The following KCNAB1 variants were observed in gnomAD, a reference collection of about 807,000 sequenced individuals.
The protein encoded by KCNAB1 is voltage-gated potassium channel subunit beta-1.
A neutral mutation model predicts 64.6 loss-of-function variants in KCNAB1; 35 were observed. The observed-to-expected ratio is 0.54, with a 90% CI of 0.41 to 0.72. The LOEUF (loss-of-function observed/expected upper bound fraction) is 0.72. Ranked by LOEUF, KCNAB1 falls within the 30% of genes least tolerant of loss-of-function variation. The pLI is 0.00. For synonymous variants in KCNAB1, 177 were observed against 183.8 expected, an observed-to-expected ratio of 0.96 and a Z score of 0.30; for missense variants, 401 against 512.9, an observed-to-expected ratio of 0.78 and a Z score of 2.11.
At chr3:156,218,804 T>TAAA (rs1715501374) in intron 1 of KCNAB1, among the ~76,000 whole-genome samples, 5 of 111,370 alleles carry the variant, frequency 4.5e-5, no homozygotes, top group African/African-American at 6.8e-5. Flanking sequence ...AAAAAAAAAA[T>TAAA]AATAATAAAA....
At chr3:156,304,435 T>C (rs1721353452) in intron 1 of KCNAB1, among the ~76,000 whole-genome samples, 1 of 152,214 alleles carries the variant, frequency 6.6e-6, no homozygotes. Flanking sequence ...AACTTAATGG[T>C]ATATTATGTA....
At chr3:156,215,304 A>G (rs1479924706) in intron 1 of KCNAB1, among the ~76,000 whole-genome samples, 1 of 152,200 alleles carries the variant, frequency 6.6e-6, no homozygotes, top group African/African-American at 2.4e-5. Context: ...TGTGGCCCGC[A>G]AGCATCACTC....
At chr3:156,520,719 T>C (rs575717806) in intron 11 of KCNAB1, among the ~76,000 whole-genome samples, 2 of 152,372 alleles carry the variant, frequency 1.3e-5, no homozygotes, top group African/African-American at 4.8e-5. Context: ...TTGTACATTA[T>C]GGTAAAATTT....
intron 1 of KCNAB1, among the ~76,000 whole-genome samples, chr3:156,254,284 T>C (rs950069900): frequency 2.6e-5 from 4 of 152,354 alleles, no homozygotes; most frequent in Non-Finnish European, 4.4e-5. Flanking sequence ...TATGCCTCAA[T>C]TGGCCCAGAA....
chr3:156,152,219 C>A (rs1438117836), intron 1 of KCNAB1, among the ~76,000 whole-genome samples: 3 of 152,164 alleles, frequency 2.0e-5, no homozygotes. Context: ...CTCAGCACAT[C>A]CCCTGAGGGT....
intron 1 of KCNAB1, among the ~76,000 whole-genome samples, chr3:156,391,844 G>A (rs1285684000): frequency 6.6e-6 from 1 of 152,152 alleles, no homozygotes; most frequent in Non-Finnish European, 1.5e-5. Context: ...GCAGAGTGAT[G>A]GCACATGGGA....
intron 1 of KCNAB1, among the ~76,000 whole-genome samples, chr3:156,161,681 C>T (rs752496570): frequency 3.9e-5 from 6 of 152,136 alleles, no homozygotes; most frequent in Non-Finnish European, 7.3e-5. Flanking sequence ...TGGGTTTCTG[C>T]ATAATCTGTG....
At chr3:156,440,337 G>A (rs969608836) in intron 2 of KCNAB1, among the ~76,000 whole-genome samples, 11 of 152,164 alleles carry the variant, frequency 7.2e-5, no homozygotes, top group Non-Finnish European at 1.6e-4. Flanking sequence ...CTGTACAATT[G>A]GGACTATGGT....
intron 1 of KCNAB1, among the ~76,000 whole-genome samples, chr3:156,282,074 A>G (rs1383398386): frequency 6.7e-6 from 1 of 150,116 alleles, no homozygotes; most frequent in African/African-American, 2.5e-5. Context: ...TCAATTTTGG[A>G]TCTTTCCTGC....
At chr3:156,424,797 G>T (rs1441738529) in intron 2 of KCNAB1, among the ~76,000 whole-genome samples, 1 of 152,136 alleles carries the variant, frequency 6.6e-6, no homozygotes, top group African/African-American at 2.4e-5. Context: ...TGTATGAGGT[G>T]CAGGCATTTT....
intron 8 of KCNAB1, among the ~76,000 whole-genome samples, chr3:156,502,638 ATAAT>A (rs1199813160): frequency 2.6e-5 from 4 of 152,224 alleles, no homozygotes; most frequent in Non-Finnish European, 5.9e-5. Flanking sequence ...AGAAGGACAA[ATAAT>A]TCTTTTTCAA....
intron 11 of KCNAB1, among the ~76,000 whole-genome samples, chr3:156,518,475 G>GAAAAC (rs1717707225): frequency 6.6e-6 from 1 of 151,674 alleles, no homozygotes; most frequent in Non-Finnish European, 1.5e-5. Flanking sequence ...GAAAAGAAAA[G>GAAAAC]AAAAGAAAGA....
intron 1 of KCNAB1, among the ~76,000 whole-genome samples, chr3:156,277,883 A>G (rs1031431053): frequency 6.6e-6 from 1 of 152,150 alleles, no homozygotes. Flanking sequence ...AAGAGTTCCC[A>G]CATCCTTGCC....
At chr3:156,360,438 A>G (rs1725527327) in intron 1 of KCNAB1, among the ~76,000 whole-genome samples, 1 of 152,190 alleles carries the variant, frequency 6.6e-6, no homozygotes, top group South Asian at 2.1e-4. Flanking sequence ...AGCTGGGCAC[A>G]CTGGCTCATG....
intron 1 of KCNAB1, among the ~76,000 whole-genome samples, chr3:156,257,769 G>A (rs756145181): frequency 5.3e-5 from 8 of 152,158 alleles, no homozygotes; most frequent in Non-Finnish European, 8.8e-5. Flanking sequence ...CACATGGATG[G>A]TGACTGGCTG....
At chr3:156,216,232 C>A (rs1715310809) in intron 1 of KCNAB1, among the ~76,000 whole-genome samples, 2 of 152,132 alleles carry the variant, frequency 1.3e-5, no homozygotes, top group African/African-American at 4.8e-5. Flanking sequence ...CATGCTGATC[C>A]AAGCCCTTGA....
chr3:156,258,032 A>C (rs997880898), intron 1 of KCNAB1, among the ~76,000 whole-genome samples: 2 of 152,148 alleles, frequency 1.3e-5, no homozygotes, highest in Admixed American at 6.5e-5. Context: ...CCTTGCAATA[A>C]CCCTAGGCAG....
chr3:156,515,646 A>G (rs1717508144), intron 10 of KCNAB1, among the ~76,000 whole-genome samples: 2 of 152,204 alleles, frequency 1.3e-5, no homozygotes, highest in South Asian at 4.1e-4. Flanking sequence ...GGGAAATTCA[A>G]CAACTATTAA....
upstream of KCNAB1, among the ~76,000 whole-genome samples, chr3:156,120,264 A>G (rs2108248428): frequency 6.6e-6 from 1 of 152,344 alleles, no homozygotes; most frequent in Non-Finnish European, 1.5e-5. Flanking sequence ...TACCAAACCT[A>G]TATGACCAAA....
Sources: allele counts gnomAD v4.1 joint callset (sites outside exome capture counted in the v4.1 genomes callset), GRCh38; gene constraint gnomAD v4.1.1; transcripts MANE v1.5; gene names NCBI Gene and HGNC (gene_info 2026-07-23, HGNC 2026-07-21).